Variants in USP32 observed in about 807,000 individuals in gnomAD.
The protein encoded by USP32 is ubiquitin carboxyl-terminal hydrolase 32.
USP32 carries 59 observed loss-of-function variants against 204.8 expected under a neutral mutation model. The observed-to-expected ratio is 0.29, with a 90% CI of 0.23 to 0.36. The LOEUF is 0.36. Among genes scored for constraint, USP32 ranks in the 10% least tolerant of loss-of-function variants. The pLI is 1.00. For synonymous variants in USP32, 517 were observed against 678.4 expected (o/e 0.76, Z 3.70); for missense variants, 1,160 against 1,946.4 (o/e 0.60, Z 7.60).
chr17:60,391,853 G>A (rs916275674), intron 1 of USP32, 29 bp downstream of exon 1: 4 of 1,598,228 alleles, frequency 2.5e-6, no homozygotes, highest in East Asian at 2.3e-5. Flanking sequence ...GGCCTCCCAG[G>A]CAGCTCGCCC....
At chr17:60,370,640 A>C (rs536447741) in intron 1 of USP32, among the ~76,000 whole-genome samples, 1 of 151,880 alleles carries the variant, frequency 6.6e-6, no homozygotes, top group Admixed American at 6.6e-5. Context: ...GGTGGTGCCC[A>C]CCCAACCACT....
intron 3 of USP32, among the ~76,000 whole-genome samples, chr17:60,297,067 A>T (rs1176091470): frequency 6.6e-6 from 1 of 152,128 alleles, no homozygotes; most frequent in African/African-American, 2.4e-5. Flanking sequence ...AACCTAAGCT[A>T]TGCCAGGCAA....
chr17:60,206,759 T>G (rs2084837607), intron 25 of USP32, among the ~76,000 whole-genome samples: 1 of 152,210 alleles, frequency 6.6e-6, no homozygotes, highest in African/African-American at 2.4e-5. Flanking sequence ...GCTGTTGCCA[T>G]GTTATATTAG....
At chr17:60,401,336 C>A (rs1412696016) in intron 1 of USP32, among the ~76,000 whole-genome samples, 3 of 152,086 alleles carry the variant, frequency 2.0e-5, no homozygotes, top group Non-Finnish European at 4.4e-5. Flanking sequence ...CGCCACTGCA[C>A]TCCAGCCTGG....
chr17:60,321,871 CTT>C (rs61115566), intron 2 of USP32, among the ~76,000 whole-genome samples: 51 of 139,754 alleles, frequency 3.6e-4, no homozygotes, highest in Non-Finnish European at 3.0e-4. Flanking sequence ...AATCAGATGG[CTT>C]TTTTTTTTTT....
intron 2 of USP32, among the ~76,000 whole-genome samples, chr17:60,323,437 G>T (rs558357487): frequency 7.9e-5 from 12 of 152,264 alleles, no homozygotes; most frequent in Admixed American, 6.5e-4. Flanking sequence ...AAGTAGATTA[G>T]TATATTAGTT....
At chr17:60,306,810 A>G (rs1482702146) in intron 2 of USP32, among the ~76,000 whole-genome samples, 2 of 152,222 alleles carry the variant, frequency 1.3e-5, no homozygotes, top group African/African-American at 4.8e-5. Context: ...AAAAACTGTT[A>G]GAACTGATAA....
At chr17:60,325,674 C>T (rs2088215706) in intron 2 of USP32, among the ~76,000 whole-genome samples, 1 of 151,818 alleles carries the variant, frequency 6.6e-6, no homozygotes, top group Non-Finnish European at 1.5e-5. Context: ...CACCTATAAC[C>T]CCAGCACTTT....
chr17:60,207,319 T>C (rs2084855433), intron 24 of USP32, among the ~76,000 whole-genome samples, 187 bp from the exon 25 acceptor site: 1 of 152,162 alleles, frequency 6.6e-6, no homozygotes, highest in African/African-American at 2.4e-5. Context: ...CTAACCTCAA[T>C]TTTCGAACTA....
At chr17:60,260,455 G>A (rs1013512603) in intron 9 of USP32, among the ~76,000 whole-genome samples, 27 of 151,780 alleles carry the variant, frequency 1.8e-4, no homozygotes, top group African/African-American at 5.8e-4. Context: ...CCCAGGAGGC[G>A]GAGGTTGAAG....
At chr17:60,228,278 T>C (rs2085449028) in intron 12 of USP32, among the ~76,000 whole-genome samples, 1 of 151,894 alleles carries the variant, frequency 6.6e-6, no homozygotes, top group Non-Finnish European at 1.5e-5. Context: ...GGCCTCCCAG[T>C]GTGCTGGGAT....
In USP32 at chr17:60,252,422, C is replaced by G. The variant is rs754831986; in HGVS notation, c.1095G>C (p.Gly365=). The G allele has an allele frequency of 6.2e-7, 1 of 1,609,736 alleles. No homozygotes were observed. Among genetic ancestry groups the G allele is most frequent in the Admixed American group, 1.7e-5 (1 of 59,266 alleles). The part of the protein sequence containing the change: ...LLFQVCHIVL[G]LRPATPEEEG... Reference sequence around the variant, plus strand: ...CTTCTTCCGGAGTAGCTGGTCTTAACCCCAGAACTATGTGACACACCTAGG... The same window carrying G: ...CTTCTTCCGGAGTAGCTGGTCTTAAGCCCAGAACTATGTGACACACCTAGG... Residue 365 remains glycine, a synonymous_variant, in exon 11 of 34, where the codon GGG becomes GGC. Transcript: ENST00000300896.
Sources: gnomAD v4.1 joint callset for allele counts (sites outside exome capture counted in the v4.1 genomes callset) on GRCh38, gnomAD v4.1.1 for gene constraint, MANE v1.5 for transcripts, NCBI Gene and HGNC (gene_info 2026-07-23, HGNC 2026-07-21) for gene names.